The following NOL4 variants were observed in gnomAD, a reference collection of about 807,000 sequenced individuals.
NOL4 encodes nucleolar protein 4.
A neutral mutation model predicts 75.9 loss-of-function variants in NOL4; 17 were observed. That is an observed-to-expected ratio of 0.22 (90% confidence interval 0.15 to 0.34). NOL4 has a LOEUF of 0.34. Ranked by LOEUF, NOL4 falls within the 10% of genes least tolerant of loss-of-function variation. The pLI is 1.00. For synonymous variants in NOL4, 292 were observed against 289.9 expected (o/e 1.01, Z -0.07); for missense variants, 614 against 793.5 (o/e 0.77, Z 2.72).
intron 5 of NOL4, among the ~76,000 whole-genome samples, chr18:34,076,201 G>A (rs947797424): frequency 1.3e-5 from 2 of 152,108 alleles, no homozygotes; most frequent in Non-Finnish European, 2.9e-5. Flanking sequence ...TCTCCCCTAC[G>A]CAAATGCAGC....
chr18:34,012,844 G>C (rs2074453023), intron 6 of NOL4, among the ~76,000 whole-genome samples: 1 of 151,962 alleles, frequency 6.6e-6, no homozygotes, highest in Non-Finnish European at 1.5e-5. Flanking sequence ...GATTGTATTA[G>C]ATACTATTCC....
At chr18:34,083,960 C>G (rs1034705413) in intron 5 of NOL4, among the ~76,000 whole-genome samples, 4 of 152,206 alleles carry the variant, frequency 2.6e-5, no homozygotes, top group Non-Finnish European at 4.4e-5. Context: ...ACTCTGGACT[C>G]TATTCACCTG....
At chr18:34,066,949 C>T (rs1370739204) in intron 5 of NOL4, among the ~76,000 whole-genome samples, 2 of 152,008 alleles carry the variant, frequency 1.3e-5, no homozygotes, top group Non-Finnish European at 1.5e-5. Flanking sequence ...AATGTATTAA[C>T]ACATTTAAAA....
chr18:33,870,590 T>C (rs961905848), intron 10 of NOL4, among the ~76,000 whole-genome samples: 1 of 151,934 alleles, frequency 6.6e-6, no homozygotes, highest in Non-Finnish European at 1.5e-5. Flanking sequence ...ATATTATAAA[T>C]GTACGAAAGA....
intron 5 of NOL4, among the ~76,000 whole-genome samples, chr18:34,036,999 A>C (rs973991588): frequency 6.6e-6 from 1 of 152,212 alleles, no homozygotes; most frequent in Non-Finnish European, 1.5e-5. Flanking sequence ...CCCTCTTTGC[A>C]GATGACATAA....
At chr18:34,096,097 C>T (rs1216516524) in intron 4 of NOL4, among the ~76,000 whole-genome samples, 3 of 151,654 alleles carry the variant, frequency 2.0e-5, no homozygotes, top group African/African-American at 7.3e-5. Context: ...TTTTTTATCA[C>T]CACTAAAATG....
intron 4 of NOL4, among the ~76,000 whole-genome samples, chr18:34,095,962 G>A (rs956575285): frequency 1.4e-4 from 19 of 139,480 alleles, no homozygotes; most frequent in African/African-American, 4.7e-4. Flanking sequence ...ATATGTATAT[G>A]AGGATATGTA....
intron 10 of NOL4, among the ~76,000 whole-genome samples, chr18:33,861,758 T>G (rs922961043): frequency 1.3e-4 from 20 of 151,940 alleles, no homozygotes; most frequent in African/African-American, 4.4e-4. Flanking sequence ...CACTGCTCAA[T>G]TAAATAAAAG....
intron 9 of NOL4, among the ~76,000 whole-genome samples, chr18:33,912,931 C>T (rs946931890): frequency 6.6e-6 from 1 of 152,052 alleles, no homozygotes; most frequent in African/African-American, 2.4e-5. Flanking sequence ...TATTCTTTCT[C>T]TACTATTCAC....
At chr18:33,885,973 G>T (rs1476218407) in intron 9 of NOL4, among the ~76,000 whole-genome samples, 3 of 152,154 alleles carry the variant, frequency 2.0e-5, no homozygotes, top group Non-Finnish European at 2.9e-5. Flanking sequence ...ATACACAATG[G>T]AGTGCTATTT....
intron 10 of NOL4, among the ~76,000 whole-genome samples, chr18:33,877,270 C>A (rs2063983805): frequency 6.6e-6 from 1 of 151,518 alleles, no homozygotes; most frequent in Non-Finnish European, 1.5e-5. Flanking sequence ...AGTTCAAGAC[C>A]AGCTTGGGCA....
rs78336266 is a variant in NOL4, at chr18:34,048,038, C to T, written c.773-28437G>A. Reference sequence around the variant, plus strand: ...ATAATTAGAAAAGGACATTTACAAACCTAAAATGAAATTTCATCACTTTTG... The same window carrying T: ...ATAATTAGAAAAGGACATTTACAAATCTAAAATGAAATTTCATCACTTTTG... On this transcript the variant is annotated intron_variant, in intron 5 of 10. Transcript: ENST00000261592. 4.2e-3 allele frequency among the ~76,000 whole-genome samples: 633 copies of T among 152,158 alleles called. 5 individuals are homozygous for T. The highest frequency in any genetic ancestry group is 0.014 in the African/African-American group (575 of 41,536).
chr18:34,170,470 G>A (rs1372495755), intron 1 of NOL4, among the ~76,000 whole-genome samples: 1 of 152,132 alleles, frequency 6.6e-6, no homozygotes, highest in Non-Finnish European at 1.5e-5. Context: ...GGGATTGCAG[G>A]TGTGAGCCAC....
intron 4 of NOL4, among the ~76,000 whole-genome samples, chr18:34,094,036 G>A (rs1050110016): frequency 4.6e-5 from 7 of 151,714 alleles, no homozygotes; most frequent in South Asian, 4.1e-4. Flanking sequence ...AGCGAGACTC[G>A]TCTCAAAAAA....
chr18:34,220,322 T>G (rs968246975), intron 1 of NOL4, among the ~76,000 whole-genome samples: 3 of 152,166 alleles, frequency 2.0e-5, no homozygotes, highest in African/African-American at 7.2e-5. Flanking sequence ...TGTCTAATTA[T>G]CAGCAGCAGT....
In NOL4 at chr18:34,224,082, A is replaced by G. The variant is rs1193750980; in HGVS notation, c.-829T>C. ...GCAAAGCATTGATGGAGATTTGGCC[A>G]TAGTTCTACAGGATAGATTGTAGTG... On this transcript the variant is annotated 5_prime_UTR_variant, in exon 1 of 11. The change abolishes an upstream ATG in the 5' untranslated region. Transcript: ENST00000261592. 1 of 152,252 alleles carries G rather than the reference A, an allele frequency of 6.6e-6. No individual in the cohort carries two copies. Among genetic ancestry groups the G allele is most frequent in the Non-Finnish European group, 1.5e-5 (1 of 68,048 alleles). 9.4% of individuals were successfully genotyped at this position (152,252 alleles called of 1,614,324 possible).
At chr18:33,942,669 G>C (rs1404496426) in intron 9 of NOL4, among the ~76,000 whole-genome samples, 1 of 151,770 alleles carries the variant, frequency 6.6e-6, no homozygotes, top group African/African-American at 2.4e-5. Flanking sequence ...TGCGGTAGTA[G>C]GCCAGAGGAA....
At chr18:34,060,301 T>C (rs541686763) in intron 5 of NOL4, among the ~76,000 whole-genome samples, 1 of 152,278 alleles carries the variant, frequency 6.6e-6, no homozygotes, top group South Asian at 2.1e-4. Context: ...TATTCTCCAT[T>C]TGAATATGTA....
At chr18:33,876,460 TA>T (rs986125444) in intron 10 of NOL4, among the ~76,000 whole-genome samples, 2 of 152,090 alleles carry the variant, frequency 1.3e-5, no homozygotes, top group African/African-American at 4.8e-5. Context: ...CTACAAATCC[TA>T]AACTCAAGAA....
Sources: allele counts gnomAD v4.1 joint callset (sites outside exome capture counted in the v4.1 genomes callset), GRCh38; gene constraint gnomAD v4.1.1; transcripts MANE v1.5; gene names NCBI Gene and HGNC (gene_info 2026-07-23, HGNC 2026-07-21).